Variants in PRICKLE2 observed in about 807,000 individuals in gnomAD.
The protein encoded by PRICKLE2 is prickle planar cell polarity protein 2.
In PRICKLE2, 21 loss-of-function variants were observed where a neutral mutation model predicts 81.4. That is an observed-to-expected ratio of 0.26 (90% CI 0.18 to 0.37). The LOEUF (loss-of-function observed/expected upper bound fraction) is 0.37, where lower values mean the gene tolerates loss of function less well. PRICKLE2 is among the 10% of genes least tolerant of loss of function. The pLI is 1.00. For missense variants in PRICKLE2, 940 were observed against 1,109.0 expected (o/e 0.85, Z 2.16); for synonymous variants, 456 against 421.5 (o/e 1.08, Z -1.00).
chr3:64,266,882 A>C (rs2079718019), intron 2 of PRICKLE2, among the ~76,000 whole-genome samples: 1 of 152,044 alleles, frequency 6.6e-6, no homozygotes, highest in African/African-American at 2.4e-5. Context: ...GGAATTTGGC[A>C]ATCCACACAT....
At position 64,097,614 on chromosome 3, in the gene PRICKLE2, G is replaced by C. The variant is rs2076589361; in HGVS notation, c.*1437C>G. The C allele has an allele frequency of 6.6e-6, 1 of 152,492 alleles. No individual in the cohort carries two copies. Among genetic ancestry groups the C allele is most frequent in the African/African-American group, 2.4e-5 (1 of 41,414 alleles). 9.4% of individuals were successfully genotyped at this position (152,492 alleles called of 1,614,324 possible). A position where few individuals can be genotyped will look rare whatever the true frequency, so the allele number is the denominator to read the frequency against. ...AAACTCACTTTTGAGCCCATTTTCT[G>C]ACCAACAGTCCTCAAAGTTCAAAAT... On this transcript the variant is annotated 3_prime_UTR_variant, in exon 8 of 8. Transcript: ENST00000638394.
chr3:64,101,902 T>C (rs2076670589), intron 7 of PRICKLE2: 1 of 152,190 alleles, frequency 6.6e-6, no homozygotes, highest in Non-Finnish European at 1.5e-5. Flanking sequence ...TAAACAAAGG[T>C]AAAATCAGAC....
chr3:64,129,529 C>T (rs1229362542), intron 7 of PRICKLE2, among the ~76,000 whole-genome samples: 2 of 151,336 alleles, frequency 1.3e-5, no homozygotes, highest in Non-Finnish European at 1.5e-5. Flanking sequence ...GTGGGAGTCT[C>T]ATGTTTAGTT....
intron 2 of PRICKLE2, among the ~76,000 whole-genome samples, chr3:64,239,951 CCAAAAA>C: frequency 1.7e-5 from 1 of 60,112 alleles, no homozygotes; most frequent in African/African-American, 9.7e-5. Context: ...CCCATCGCTA[CCAAAAA>C]AAAAAAAAAA....
chr3:64,258,885 G>GAAAT lies in PRICKLE2; in HGVS notation c.129-59919_129-59918insATTT, dbSNP rs1406038731. ...AGAAAGAAAGAAAGAAAGAAAGAAA[G>GAAAT]AAAGAAAGAAATCAGGAGAGTGGTT... On this transcript the variant is annotated intron_variant, in intron 2 of 8. Coordinates refer to the PRICKLE2 transcript ENST00000295902. Among the ~76,000 whole-genome samples the GAAAT allele has an allele frequency of 1.7e-3, 235 of 142,334 alleles. 2 individuals carry two copies. Among genetic ancestry groups the GAAAT allele is most frequent in the Non-Finnish European group, 2.0e-3 (133 of 65,336 alleles). 93.4% of individuals were successfully genotyped at this position (142,334 alleles called of 152,430 possible). A position where few individuals can be genotyped will look rare whatever the true frequency, so the allele number is the denominator to read the frequency against.
At chr3:64,111,530 G>A (rs945246087) in intron 7 of PRICKLE2, among the ~76,000 whole-genome samples, 1 of 152,206 alleles carries the variant, frequency 6.6e-6, no homozygotes, top group African/African-American at 2.4e-5. Flanking sequence ...CAGATCCAGT[G>A]ACACTCCCCA....
intron 7 of PRICKLE2, among the ~76,000 whole-genome samples, chr3:64,144,959 GAT>G (rs1203394467): frequency 1.3e-5 from 2 of 152,132 alleles, no homozygotes; most frequent in Non-Finnish European, 2.9e-5. Context: ...GCTGATGGGT[GAT>G]AGTTCTCAGC....
chr3:64,167,093 ACTGAGTATACTTT>A (rs2077846520), intron 2 of PRICKLE2, among the ~76,000 whole-genome samples: 1 of 152,244 alleles, frequency 6.6e-6, no homozygotes, highest in African/African-American at 2.4e-5. Context: ...ATGGGAAAAT[ACTGAGTATACTTT>A]CTGGCACTAC....
chr3:64,188,013 G>A (rs2078266841), intron 2 of PRICKLE2, among the ~76,000 whole-genome samples: 1 of 152,196 alleles, frequency 6.6e-6, no homozygotes, highest in African/African-American at 2.4e-5. Context: ...CCTTGTATTT[G>A]GGTGATATCC....
chr3:64,202,612 T>A (rs2078604552), intron 1 of PRICKLE2, among the ~76,000 whole-genome samples: 2 of 151,212 alleles, frequency 1.3e-5, no homozygotes. Context: ...GCTAAAATCA[T>A]TTATTAGTTG....
chr3:64,163,449 C>T (rs1041630898), intron 2 of PRICKLE2: 1 of 427,008 alleles, frequency 2.3e-6, no homozygotes, highest in South Asian at 2.2e-5. Flanking sequence ...GCAGACTCCC[C>T]TGAGAGCTGG....
At chr3:64,109,426 A>G (rs902385691) in intron 7 of PRICKLE2, among the ~76,000 whole-genome samples, 3 of 152,128 alleles carry the variant, frequency 2.0e-5, no homozygotes, top group Non-Finnish European at 4.4e-5. Flanking sequence ...CCTATCTAGC[A>G]GGTCTCAGGT....
At chr3:64,165,966 GTGTGTGTGTGTGTGTGTGTGTGTGT>G (rs2077823254) in intron 2 of PRICKLE2, among the ~76,000 whole-genome samples, 2 of 121,358 alleles carry the variant, frequency 1.6e-5, no homozygotes, top group East Asian at 2.1e-4. Flanking sequence ...TTATAAAGGT[GTGTGTGTGTGTGTGTGTGTGTGTGT>G]GTGTGTGTGT....
At chr3:64,244,850 C>T (rs146042373) in intron 2 of PRICKLE2, among the ~76,000 whole-genome samples, 76 of 152,236 alleles carry the variant, frequency 5.0e-4, no homozygotes, top group Admixed American at 1.0e-3. Flanking sequence ...AGGTATGATT[C>T]TACTGCGGTT....
intron 2 of PRICKLE2, among the ~76,000 whole-genome samples, chr3:64,170,983 A>G (rs779015760): frequency 7.9e-4 from 121 of 152,224 alleles, no homozygotes; most frequent in Non-Finnish European, 1.3e-3. Context: ...TCTTCACTAT[A>G]GCACCATGAC....
chr3:64,106,459 C>T (rs141355073), intron 7 of PRICKLE2, among the ~76,000 whole-genome samples: 214 of 152,288 alleles, frequency 1.4e-3, no homozygotes, highest in African/African-American at 4.9e-3. Flanking sequence ...ATGTTACAGG[C>T]AAACAAATAT....
intron 1 of PRICKLE2, among the ~76,000 whole-genome samples, chr3:64,222,003 G>C (rs2078963255): frequency 1.3e-5 from 2 of 152,000 alleles, no homozygotes. Flanking sequence ...TAATTCTATT[G>C]GCCTTCAGTT....
chr3:64,173,306 C>G (rs1286250787), intron 2 of PRICKLE2, among the ~76,000 whole-genome samples: 2 of 152,142 alleles, frequency 1.3e-5, no homozygotes, highest in Non-Finnish European at 2.9e-5. Context: ...GTGATGTCAT[C>G]GGATGTGGAA....
intron 6 of PRICKLE2, among the ~76,000 whole-genome samples, chr3:64,152,365 G>T (rs538179875): frequency 6.6e-6 from 1 of 152,092 alleles, no homozygotes; most frequent in Non-Finnish European, 1.5e-5. Context: ...TGCCAGAAAA[G>T]GCAAGTTGAA....
Sources: allele counts gnomAD v4.1 joint callset (sites outside exome capture counted in the v4.1 genomes callset), GRCh38; gene constraint gnomAD v4.1.1; transcripts MANE v1.5; gene names NCBI Gene and HGNC (gene_info 2026-07-23, HGNC 2026-07-21).